The following USP48 variants were observed in gnomAD, a reference collection of about 807,000 sequenced individuals.
USP48 encodes ubiquitin specific peptidase 48, also known as ubiquitin carboxyl-terminal hydrolase 48.
USP48 carries 43 observed loss-of-function variants against 150.7 expected under a neutral mutation model. That is an observed-to-expected ratio of 0.29 (90% CI 0.22 to 0.37). USP48 has a LOEUF of 0.37. Among genes scored for constraint, USP48 ranks in the 10% least tolerant of loss-of-function variants. The pLI, the probability that USP48 is intolerant of heterozygous loss-of-function variation, is 1.00. For synonymous variants in USP48, 396 were observed against 425.9 expected (o/e 0.93, Z 0.86); for missense variants, 813 against 1,249.6 (o/e 0.65, Z 5.27).
At chr1:21,738,550 G>A (rs1299383917) in intron 8 of USP48, among the ~76,000 whole-genome samples, 1 of 151,046 alleles carries the variant, frequency 6.6e-6, no homozygotes, top group Admixed American at 6.6e-5. Flanking sequence ...TAGAGATGGG[G>A]TTTCACCACG....
At chr1:21,715,136 C>G in intron 15 of USP48, 1 of 403,142 alleles carries the variant, frequency 2.5e-6, no homozygotes, top group South Asian at 3.2e-5. Context: ...GCACTATTCT[C>G]AAAGTGTTTA....
intron 12 of USP48, among the ~76,000 whole-genome samples, chr1:21,722,170 G>T (rs1362511457): frequency 1.3e-5 from 2 of 151,974 alleles, no homozygotes; most frequent in African/African-American, 4.8e-5. Flanking sequence ...AAAATGAAGG[G>T]CCTGGTTTAA....
chr1:21,681,268 C>CT (rs998495452), intron 25 of USP48: 98 of 148,470 alleles, frequency 6.6e-4, no homozygotes, highest in Non-Finnish European at 9.2e-4. Context: ...ATTTTATTTA[C>CT]TTTTTTTTTT....
intron 20 of USP48, 35 bp from the exon 21 acceptor site, chr1:21,703,653 G>T: frequency 6.9e-7 from 1 of 1,439,002 alleles, no homozygotes; most frequent in Non-Finnish European, 9.6e-7. Flanking sequence ...AAACAGAAGT[G>T]GCTGAGGAAT....
intron 8 of USP48, among the ~76,000 whole-genome samples, chr1:21,741,414 G>A (rs1469066695): frequency 3.3e-5 from 5 of 152,204 alleles, no homozygotes; most frequent in African/African-American, 4.8e-5. Flanking sequence ...TCTTCAATGA[G>A]TGAAAGTAAC....
chr1:21,735,527 G>A (rs1350572570), intron 9 of USP48, among the ~76,000 whole-genome samples: 3 of 152,220 alleles, frequency 2.0e-5, no homozygotes, highest in African/African-American at 4.8e-5. Context: ...AAGGCAGGCA[G>A]ATCACTGGAG....
chr1:21,689,725 T>C (rs1387265178), intron 24 of USP48, among the ~76,000 whole-genome samples: 1 of 152,138 alleles, frequency 6.6e-6, no homozygotes, highest in Non-Finnish European at 1.5e-5. Context: ...GTACCAGCAG[T>C]TGCTGATGCT....
Position 21,752,963 on chromosome 1 carries a change from T to G in USP48, c.540+29A>C, listed in dbSNP as rs1173318538. On this transcript the variant is annotated intron_variant, in intron 4 of 26. Transcript: ENST00000308271. ...AGGATGTTTGGGTACCTCTGAATAT[T>G]TAAAAAAAAAAAAAAATTCAGTTCT... 3 of 1,559,574 alleles carry G rather than the reference T, an allele frequency of 1.9e-6. No homozygotes were observed. The South Asian group carries it at 3.7e-5, about 19-fold the overall frequency.
intron 14 of USP48, among the ~76,000 whole-genome samples, chr1:21,719,929 A>G (rs563381754): frequency 8.5e-5 from 13 of 152,306 alleles, no homozygotes; most frequent in African/African-American, 2.9e-4. Flanking sequence ...ATAAAAAATA[A>G]TGATACAAAT....
chr1:21,706,222 A>C, intron 17 of USP48, 35 bp from the exon 18 acceptor site: 1 of 1,602,196 alleles, frequency 6.2e-7, no homozygotes, highest in Non-Finnish European at 8.5e-7. Context: ...GTATCCGTCA[A>C]TTCACCGCCT....
intron 14 of USP48, among the ~76,000 whole-genome samples, chr1:21,717,140 C>A (rs986229356): frequency 7.2e-5 from 11 of 152,114 alleles, no homozygotes; most frequent in African/African-American, 2.2e-4. Context: ...CAGTGGCTCA[C>A]GCTTGTAATC....
intron 8 of USP48, among the ~76,000 whole-genome samples, chr1:21,740,330 G>A (rs543615578): frequency 7.2e-5 from 11 of 152,160 alleles, no homozygotes; most frequent in Admixed American, 1.3e-4. Flanking sequence ...ATTCCATTGT[G>A]TATATATACC....
chr1:21,746,982 G>T, intron 8 of USP48, 85 bp downstream of exon 8: 3 of 1,081,618 alleles, frequency 2.8e-6, no homozygotes, highest in South Asian at 3.4e-5. Flanking sequence ...ATTGGCAATT[G>T]ACTGCTATTC....
At chr1:21,694,948 CT>C in intron 23 of USP48, 117 bp downstream of exon 23, 1 of 1,176,378 alleles carries the variant, frequency 8.5e-7, no homozygotes, top group Non-Finnish European at 1.1e-6. Context: ...ATTTTGAAAA[CT>C]TTAAGTCTTC....
intron 15 of USP48, 177 bp downstream of exon 15, chr1:21,715,212 T>C (rs570459391): frequency 4.0e-5 from 21 of 521,508 alleles, no homozygotes; most frequent in African/African-American, 3.3e-4. Flanking sequence ...AGCACTTCAA[T>C]GGAACAAGTG....
In USP48 at chr1:21,708,505, A is replaced by AAAAC. The variant is rs112365417; in HGVS notation, c.1964-1641_1964-1638dup. The stretch of plus-strand genomic sequence containing the variant: ...GAGCAAGACTCTGTCTCAAAAAACA[A>AAAAC]AAACAAACAAACAAACAAACAAACA... On this transcript the variant is annotated intron_variant, in intron 15 of 26. Coordinates refer to ENST00000308271, the MANE Select transcript of USP48 (RefSeq NM_032236.8). 3.9e-3 allele frequency among the ~76,000 whole-genome samples: 582 copies of AAAAC among 149,202 alleles called. 4 individuals are homozygous for AAAAC. Among genetic ancestry groups the AAAAC allele is most frequent in the African/African-American group, 0.012 (511 of 41,210 alleles).
rs1391079176 is a variant in USP48, at chr1:21,782,946, C to A, written c.12G>T (p.Arg4=). The change falls in exon 1 of 27, where the codon CGG becomes CGT. Residue 4 remains arginine (R), a synonymous_variant. Transcript: ENST00000308271. MAP[R]LQLEKAAWRW... ...GCCAGGCCGCCTTCTCCAGCTGCAG[C>A]CGCGGGGCCATGGCCTTGGCCCCAG... 6.5e-7 allele frequency: 1 copy of A among 1,545,548 alleles called. No homozygotes were observed. The highest frequency in any genetic ancestry group is 2.5e-5 in the East Asian group (1 of 40,470).
intron 1 of USP48, among the ~76,000 whole-genome samples, chr1:21,760,270 G>A (rs572188114): frequency 2.2e-3 from 338 of 152,280 alleles, no homozygotes; most frequent in Non-Finnish European, 3.7e-3. Flanking sequence ...GTTTTCTTTT[G>A]CTATAAAGGA....
intron 2 of USP48, chr1:21,757,383 T>C (rs2097839381): frequency 4.1e-6 from 1 of 244,334 alleles, no homozygotes; most frequent in South Asian, 1.5e-4. Context: ...GGCGTTAAGA[T>C]TTCAAAATAA....
Sources: gnomAD v4.1 joint callset for allele counts (sites outside exome capture counted in the v4.1 genomes callset) on GRCh38, gnomAD v4.1.1 for gene constraint, MANE v1.5 for transcripts, NCBI Gene and HGNC (gene_info 2026-07-23, HGNC 2026-07-21) for gene names.